The following RUNX1T1 variants were observed in gnomAD, a reference collection of about 807,000 sequenced individuals.
RUNX1T1 encodes the protein RUNX1 partner transcriptional co-repressor 1.
In RUNX1T1, 4 loss-of-function variants were observed where a neutral mutation model predicts 62.8. That is an observed-to-expected ratio of 0.06 (90% CI 0.03 to 0.15). RUNX1T1 has a LOEUF of 0.15. Ranked by LOEUF, RUNX1T1 falls within the 10% of genes least tolerant of loss-of-function variation. The pLI is 1.00. For synonymous variants in RUNX1T1, 291 were observed against 286.0 expected, an observed-to-expected ratio of 1.02 and a Z score of -0.18; for missense variants, 508 against 754.3, an observed-to-expected ratio of 0.67 and a Z score of 3.82.
chr8:91,982,578 T>C (rs939905224), intron 8 of RUNX1T1, among the ~76,000 whole-genome samples: 1 of 152,202 alleles, frequency 6.6e-6, no homozygotes, highest in African/African-American at 2.4e-5. Flanking sequence ...TCTGATCACA[T>C]TATCTTGCTC....
chr8:92,008,388 T>TCTCACACACA (rs1554617950), intron 4 of RUNX1T1, among the ~76,000 whole-genome samples: 95 of 131,962 alleles, frequency 7.2e-4, no homozygotes, highest in African/African-American at 1.7e-3. Flanking sequence ...TCTCTCTCTC[T>TCTCACACACA]CACACACACA....
rs183798188 is a variant in RUNX1T1, at chr8:92,079,832, T to A, written c.-85-3695A>T. Among the ~76,000 whole-genome samples, 27 of 152,270 alleles carry A rather than the reference T, an allele frequency of 1.8e-4. 1 individual carries two copies. The East Asian group carries it at 5.2e-3, about 29-fold the overall frequency. On this transcript the variant is annotated intron_variant, in intron 1 of 11. Coordinates refer to the RUNX1T1 transcript ENST00000265814. ...CTCCCTGATGGAACACTTCCTCTCA[T>A]GCTGGTGGCTTCGTTCACTGACTTC...
intron 4 of RUNX1T1, among the ~76,000 whole-genome samples, chr8:92,008,922 G>A (rs763131467): frequency 2.6e-5 from 4 of 152,174 alleles, no homozygotes; most frequent in Non-Finnish European, 5.9e-5. Context: ...AATAAGAAAA[G>A]ATGCTGTATC....
At chr8:92,029,270 T>A (rs1180232452) in intron 1 of RUNX1T1, among the ~76,000 whole-genome samples, 1 of 152,190 alleles carries the variant, frequency 6.6e-6, no homozygotes, top group African/African-American at 2.4e-5. Flanking sequence ...CCAAATGAGA[T>A]GTTCATTTCT....
chr8:91,986,741 T>C lies in RUNX1T1; in HGVS notation c.996+146A>G, dbSNP rs997600110. 6.3e-6 allele frequency: 4 copies of C among 639,112 alleles called. No individual in the cohort carries two copies. The African/African-American group carries it at 7.3e-5, about 12-fold the overall frequency. 39.6% of individuals were successfully genotyped at this position (639,112 alleles called of 1,614,324 possible). A position where few individuals can be genotyped will look rare whatever the true frequency, so the allele number is the denominator to read the frequency against. Reference sequence around the variant, plus strand: ...TTAGAAATCAAATCCTATATTCTACTTCAGATATTCTCGCTCATTTTTTTT... The same window carrying C: ...TTAGAAATCAAATCCTATATTCTACCTCAGATATTCTCGCTCATTTTTTTT... On this transcript the variant is annotated intron_variant, in intron 7 of 10. Transcript: ENST00000396218.
chr8:92,060,547 A>ATGTGTGTGTGTG (rs1394920440), intron 1 of RUNX1T1, among the ~76,000 whole-genome samples: 3 of 102,792 alleles, frequency 2.9e-5, no homozygotes, highest in African/African-American at 7.2e-5. Flanking sequence ...ATATATATAT[A>ATGTGTGTGTGTG]TATATATGTG....
At chr8:92,008,469 G>A (rs994676222) in intron 4 of RUNX1T1, among the ~76,000 whole-genome samples, 1 of 150,474 alleles carries the variant, frequency 6.6e-6, no homozygotes, top group African/African-American at 2.5e-5. Context: ...AGTCAGCTGG[G>A]ACCTCAGGTA....
chr8:92,077,567 C>G (rs1834611251), intron 1 of RUNX1T1, among the ~76,000 whole-genome samples: 1 of 151,684 alleles, frequency 6.6e-6, no homozygotes, highest in Non-Finnish European at 1.5e-5. Flanking sequence ...TGTTTCTGTA[C>G]AAAGGTAAAA....
intron 2 of RUNX1T1, among the ~76,000 whole-genome samples, chr8:92,074,863 G>C (rs1441302503): frequency 6.6e-6 from 1 of 152,266 alleles, no homozygotes; most frequent in East Asian, 1.9e-4. Flanking sequence ...GGAATGAAAA[G>C]AAGGGAAATA....
At chr8:92,043,732 T>C (rs977072223) in intron 1 of RUNX1T1, among the ~76,000 whole-genome samples, 3 of 152,004 alleles carry the variant, frequency 2.0e-5, no homozygotes, top group Non-Finnish European at 4.4e-5. Context: ...ATCCCAGCAC[T>C]CTGGTAGGCT....
intron 10 of RUNX1T1, among the ~76,000 whole-genome samples, chr8:91,970,126 T>C (rs1812515735): frequency 1.3e-5 from 2 of 151,776 alleles, no homozygotes; most frequent in African/African-American, 4.8e-5. Context: ...TGCTATGAAA[T>C]GACCATCATA....
intron 1 of RUNX1T1, among the ~76,000 whole-genome samples, chr8:92,059,027 A>G (rs1831481085): frequency 6.6e-6 from 1 of 152,184 alleles, no homozygotes. Flanking sequence ...AAGGCCAAGT[A>G]CTCTGAAATA....
intron 5 of RUNX1T1, among the ~76,000 whole-genome samples, chr8:92,001,829 C>A (rs1313296400): frequency 6.6e-6 from 1 of 152,168 alleles, no homozygotes; most frequent in African/African-American, 2.4e-5. Flanking sequence ...TGATAATCAT[C>A]CTAACACAAT....
chr8:92,046,439 C>G (rs1450680616), intron 1 of RUNX1T1, among the ~76,000 whole-genome samples: 2 of 152,184 alleles, frequency 1.3e-5, no homozygotes, highest in Non-Finnish European at 1.5e-5. Context: ...TCATAGCTTA[C>G]TGCAACGTCC....
At chr8:92,088,515 A>ATT (rs200023379) in intron 1 of RUNX1T1, among the ~76,000 whole-genome samples, 1,999 of 152,300 alleles carry the variant, frequency 0.013, 21 homozygotes, top group Non-Finnish European at 0.021. Flanking sequence ...GTCAATGTGC[A>ATT]TTTGAAGTAT....
chr8:92,001,101 G>A (rs1202660813), intron 5 of RUNX1T1, among the ~76,000 whole-genome samples: 1 of 152,056 alleles, frequency 6.6e-6, no homozygotes, highest in Non-Finnish European at 1.5e-5. Flanking sequence ...TGAGGCAGCA[G>A]GTTCACATGG....
chr8:92,082,677 G>T (rs886355839), intron 1 of RUNX1T1, among the ~76,000 whole-genome samples: 6 of 152,106 alleles, frequency 3.9e-5, no homozygotes, highest in African/African-American at 1.4e-4. Flanking sequence ...TGTGAGCCAC[G>T]GCATCTCAGG....
At chr8:91,994,880 T>C (rs1341662390) in intron 5 of RUNX1T1, among the ~76,000 whole-genome samples, 1 of 152,208 alleles carries the variant, frequency 6.6e-6, no homozygotes, top group East Asian at 1.9e-4. Flanking sequence ...CCCTTCTAGT[T>C]TGCAAACTCT....
At chr8:91,966,536 T>C (rs1339240575) in intron 10 of RUNX1T1, among the ~76,000 whole-genome samples, 1 of 152,194 alleles carries the variant, frequency 6.6e-6, no homozygotes, top group Non-Finnish European at 1.5e-5. Flanking sequence ...TAGTATAAGG[T>C]ATGGATCTCA....
Sources: gnomAD v4.1 joint callset for allele counts (sites outside exome capture counted in the v4.1 genomes callset) on GRCh38, gnomAD v4.1.1 for gene constraint, MANE v1.5 for transcripts, NCBI Gene and HGNC (gene_info 2026-07-23, HGNC 2026-07-21) for gene names.